SEMA3D: variants seen among roughly 807,000 people sequenced by gnomAD.
SEMA3D encodes the protein semaphorin-3D.
SEMA3D carries 84 observed loss-of-function variants against 100.1 expected under a neutral mutation model. That is an observed-to-expected ratio of 0.84 (90% confidence interval 0.70 to 1.01). The LOEUF is 1.01. Among genes scored for constraint, SEMA3D ranks in the 50% least tolerant of loss-of-function variants. The pLI is 0.00. For missense variants in SEMA3D, 875 were observed against 934.1 expected, an observed-to-expected ratio of 0.94 and a Z score of 0.82; for synonymous variants, 312 against 320.7, an observed-to-expected ratio of 0.97 and a Z score of 0.29.
At chr7:85,235,718 T>C in the SEMA3D span, among the ~76,000 whole-genome samples, 1 of 152,198 alleles carries the variant, frequency 6.6e-6, no homozygotes, top group South Asian at 2.1e-4. Flanking sequence ...GGAATTATCC[T>C]AGAATAATGT....
Position 85,132,890 on chromosome 7 carries a change from A to T in SEMA3D, c.-40-10959T>A, listed in dbSNP as rs117158019. On this transcript the variant is annotated intron_variant, in intron 2 of 18. Coordinates refer to ENST00000284136, the MANE Select transcript of SEMA3D (RefSeq NM_001384900.1). ...AAAGAGCTTCTATCATTAATGCTGA[A>T]TTCATCTCTTTTACATTCTCTTAAT... Among the ~76,000 whole-genome samples, 341 of 152,020 alleles carry T rather than the reference A, an allele frequency of 2.2e-3. 1 individual carries two copies. Among genetic ancestry groups the T allele is most frequent in the Middle Eastern group, 0.014 (4 of 294 alleles).
the SEMA3D span, among the ~76,000 whole-genome samples, chr7:85,214,971 A>G: frequency 6.6e-6 from 1 of 152,102 alleles, no homozygotes; most frequent in Non-Finnish European, 1.5e-5. Context: ...AGTAGGAAAA[A>G]TATTGTTTCC....
At chr7:85,199,302 C>T in the SEMA3D span, among the ~76,000 whole-genome samples, 1 of 144,328 alleles carries the variant, frequency 6.9e-6, no homozygotes, top group African/African-American at 2.5e-5. Flanking sequence ...CTTAAGTCTT[C>T]TTTAACATTA....
At chr7:85,159,220 G>A (rs1335925988) in intron 1 of SEMA3D, among the ~76,000 whole-genome samples, 1 of 152,140 alleles carries the variant, frequency 6.6e-6, no homozygotes, top group Non-Finnish European at 1.5e-5. Flanking sequence ...AGAGGAGGGT[G>A]TTAAATTGCA....
At chr7:85,088,801 A>G (rs764798935) in intron 4 of SEMA3D, among the ~76,000 whole-genome samples, 49 of 152,152 alleles carry the variant, frequency 3.2e-4, no homozygotes, top group Non-Finnish European at 6.0e-4. Context: ...ATGTGCTTCA[A>G]TACAGAAGAT....
In SEMA3D at chr7:85,159,320, T is replaced by C. The variant is rs562279601; in HGVS notation, c.-172-5581A>G. ...GGATTAATCATGAAAACACTCCAGG[T>C]GGTAGGACAGAATCTACCCCTTTTT... On this transcript the variant is annotated intron_variant, in intron 1 of 18. Coordinates refer to ENST00000284136, the MANE Select transcript of SEMA3D (RefSeq NM_001384900.1). Among the ~76,000 whole-genome samples the C allele has an allele frequency of 3.9e-5, 6 of 152,276 alleles. No individual in the cohort carries two copies. In the South Asian group the frequency reaches 1.2e-3, roughly 32 times the overall value.
the SEMA3D span, among the ~76,000 whole-genome samples, chr7:85,197,227 C>A: frequency 6.2e-4 from 95 of 152,204 alleles, no homozygotes; most frequent in African/African-American, 2.1e-3. Flanking sequence ...TCCAGGCCCT[C>A]CCAATCCTAA....
chr7:85,212,889 A>G, the SEMA3D span, among the ~76,000 whole-genome samples: 1 of 152,060 alleles, frequency 6.6e-6, no homozygotes, highest in Non-Finnish European at 1.5e-5. Flanking sequence ...ACTTCATGCA[A>G]TAATGACTTG....
chr7:85,003,919 G>A (rs570392001), intron 18 of SEMA3D, among the ~76,000 whole-genome samples: 37 of 152,162 alleles, frequency 2.4e-4, no homozygotes, highest in Non-Finnish European at 4.9e-4. Flanking sequence ...TTAGCAATAC[G>A]CTGTTGTTTA....
At chr7:85,194,162 T>C in the SEMA3D span, among the ~76,000 whole-genome samples, 3 of 152,196 alleles carry the variant, frequency 2.0e-5, no homozygotes, top group African/African-American at 7.2e-5. Flanking sequence ...AAGATAGTTT[T>C]ATTTCTTCTT....
chr7:85,166,902 G>A (rs1359237264), intron 1 of SEMA3D, among the ~76,000 whole-genome samples: 1 of 151,948 alleles, frequency 6.6e-6, no homozygotes, highest in East Asian at 1.9e-4. Flanking sequence ...TGAGTTAGAG[G>A]TTTTGTACAA....
the SEMA3D span, among the ~76,000 whole-genome samples, chr7:85,209,456 G>C: frequency 6.6e-6 from 1 of 151,988 alleles, no homozygotes. Context: ...CTGAAGGGAT[G>C]ATGGGGAGGA....
chr7:85,074,556 C>T (rs1249832318), intron 5 of SEMA3D, among the ~76,000 whole-genome samples: 1 of 151,690 alleles, frequency 6.6e-6, no homozygotes, highest in Admixed American at 6.6e-5. Flanking sequence ...CTAGTGGTTG[C>T]TTTGATTTTA....
intron 2 of SEMA3D, among the ~76,000 whole-genome samples, chr7:85,131,285 T>A (rs1172261635): frequency 6.6e-6 from 1 of 152,016 alleles, no homozygotes; most frequent in Non-Finnish European, 1.5e-5. Flanking sequence ...TTTGAGATCA[T>A]AAACACAAAG....
intron 2 of SEMA3D, chr7:85,144,454 G>C (rs1047886321): frequency 9.2e-6 from 9 of 979,502 alleles, no homozygotes; most frequent in Admixed American, 6.2e-5. Context: ...CTCTTCCCCA[G>C]AGGTAGAAAA....
At chr7:85,136,514 A>C (rs903868466) in intron 2 of SEMA3D, among the ~76,000 whole-genome samples, 1 of 152,130 alleles carries the variant, frequency 6.6e-6, no homozygotes, top group African/African-American at 2.4e-5. Context: ...ATGGTAAAGT[A>C]ACATATTAAA....
At position 85,020,225 on chromosome 7, in the gene SEMA3D, AG is replaced by A. The variant is rs1790217188; in HGVS notation, c.1503+7del. ...TCTTTTCTCCTGGCACTCTGGACTG[AG>A]TCTTACCTTGAATATCTGCAACTCC... On this transcript the variant is annotated splice_region_variant and intron_variant, in intron 14 of 18. Coordinates refer to ENST00000284136, the MANE Select transcript of SEMA3D (RefSeq NM_001384900.1). 1 of 1,590,012 alleles carries A rather than the reference AG, an allele frequency of 6.3e-7. No homozygotes were observed. The highest frequency in any genetic ancestry group is 8.6e-7 in the Non-Finnish European group (1 of 1,159,378).
chr7:85,209,105 T>C, the SEMA3D span, among the ~76,000 whole-genome samples: 3 of 151,984 alleles, frequency 2.0e-5, no homozygotes, highest in Non-Finnish European at 4.4e-5. Context: ...TTATAGCATA[T>C]AGCATAGTAT....
chr7:85,191,427 T>A (rs1181239378), upstream of SEMA3D, among the ~76,000 whole-genome samples: 1 of 152,186 alleles, frequency 6.6e-6, no homozygotes, highest in Non-Finnish European at 1.5e-5. Context: ...TTAAAAATAC[T>A]TTCATACTAC....
Sources: gnomAD v4.1 joint callset for allele counts (sites outside exome capture counted in the v4.1 genomes callset) on GRCh38, gnomAD v4.1.1 for gene constraint, MANE v1.5 for transcripts, NCBI Gene and HGNC (gene_info 2026-07-23, HGNC 2026-07-21) for gene names.